COL19A1: variants seen among roughly 807,000 people sequenced by gnomAD.
COL19A1 encodes collagen type XIX alpha 1 chain.
A neutral mutation model predicts 190.2 loss-of-function variants in COL19A1; 159 were observed. The ratio of observed to expected loss-of-function variants is 0.84; its 90% confidence interval spans 0.73 to 0.95. The LOEUF is 0.95. Ranked by LOEUF, COL19A1 falls within the 40% of genes least tolerant of loss-of-function variation. The pLI is 0.00. For synonymous variants in COL19A1, 509 were observed against 458.9 expected (o/e 1.11, Z -1.39); for missense variants, 1,418 against 1,431.9 (o/e 0.99, Z 0.16).
intron 48 of COL19A1, among the ~76,000 whole-genome samples, chr6:70,194,836 C>T (rs1004254639): frequency 1.7e-4 from 26 of 152,094 alleles, no homozygotes; most frequent in African/African-American, 6.0e-4. Flanking sequence ...AAGCCCACAC[C>T]TCCAGCTGTG....
intron 2 of COL19A1, among the ~76,000 whole-genome samples, chr6:69,897,759 G>A (rs1174863399): frequency 1.3e-5 from 2 of 152,110 alleles, no homozygotes; most frequent in East Asian, 1.9e-4. Context: ...TTTAGAGCCT[G>A]CAATTGTATT....
At chr6:69,970,569 T>C (rs1176610418) in intron 11 of COL19A1, among the ~76,000 whole-genome samples, 4 of 152,236 alleles carry the variant, frequency 2.6e-5, no homozygotes, top group Admixed American at 6.5e-5. Flanking sequence ...TTCTTGGTGA[T>C]TATGCCTATT....
intron 2 of COL19A1, among the ~76,000 whole-genome samples, chr6:69,892,107 G>A (rs1055131733): frequency 6.6e-6 from 1 of 152,156 alleles, no homozygotes; most frequent in African/African-American, 2.4e-5. Context: ...CTAAGATTTG[G>A]GTGCATGGTA....
At chr6:70,046,546 G>A (rs1779928842) in intron 14 of COL19A1, among the ~76,000 whole-genome samples, 1 of 151,848 alleles carries the variant, frequency 6.6e-6, no homozygotes, top group Non-Finnish European at 1.5e-5. Context: ...CAGAGTGCTG[G>A]CCAATTAGAA....
intron 14 of COL19A1, among the ~76,000 whole-genome samples, chr6:70,042,333 T>C (rs1304012200): frequency 6.6e-6 from 1 of 152,188 alleles, no homozygotes; most frequent in Admixed American, 6.5e-5. Context: ...ATAAAGCAAG[T>C]CACCAATTTT....
At chr6:69,867,470 T>G (rs1392080524) in intron 1 of COL19A1, 1 of 150,862 alleles carries the variant, frequency 6.6e-6, no homozygotes, top group African/African-American at 2.5e-5. Context: ...GCTGTCAGAG[T>G]CCCGAGGCCA....
chr6:70,148,915 A>G (rs1786851881), intron 27 of COL19A1, among the ~76,000 whole-genome samples: 1 of 133,918 alleles, frequency 7.5e-6, no homozygotes. Flanking sequence ...TGACAGAGTG[A>G]GACTCCATCT....
chr6:70,120,541 C>T (rs1352767970), intron 16 of COL19A1, among the ~76,000 whole-genome samples: 2 of 152,136 alleles, frequency 1.3e-5, no homozygotes, highest in Admixed American at 6.5e-5. Flanking sequence ...ACCTAGAATT[C>T]TTTACACAAT....
intron 15 of COL19A1, among the ~76,000 whole-genome samples, chr6:70,079,396 C>T (rs1458410121): frequency 3.9e-5 from 6 of 152,098 alleles, no homozygotes; most frequent in African/African-American, 1.4e-4. Context: ...GTTAGCAAGT[C>T]ATCAGTTTAA....
chr6:69,938,983 A>G (rs570217039), intron 9 of COL19A1, among the ~76,000 whole-genome samples: 2 of 152,168 alleles, frequency 1.3e-5, no homozygotes, highest in Middle Eastern at 3.4e-3. Flanking sequence ...AATTATTTGT[A>G]TAATCTATTG....
chr6:69,897,458 TACACACACAC>T (rs71760023), intron 2 of COL19A1, among the ~76,000 whole-genome samples: 5 of 145,232 alleles, frequency 3.4e-5, no homozygotes, highest in South Asian at 4.3e-4. Context: ...TTGTCAGTTT[TACACACACAC>T]ACACACACAC....
chr6:70,036,531 C>T (rs1779360076), intron 14 of COL19A1, among the ~76,000 whole-genome samples: 1 of 152,132 alleles, frequency 6.6e-6, no homozygotes, highest in East Asian at 1.9e-4. Context: ...ATGTATTAAG[C>T]ACTTTATAAT....
intron 18 of COL19A1, among the ~76,000 whole-genome samples, chr6:70,134,614 T>C (rs1167528619): frequency 6.6e-6 from 1 of 152,206 alleles, no homozygotes; most frequent in Admixed American, 6.5e-5. Context: ...ATATTTGTAC[T>C]GACAGGTCTG....
Position 70,188,096 on chromosome 6 carries a change from G to A in COL19A1, c.2878G>A (p.Asp960Asn), listed in dbSNP as rs775724294. 27 of 1,613,372 alleles carry A rather than the reference G, an allele frequency of 1.7e-5. No homozygotes were observed. In the African/African-American group the frequency reaches 3.6e-4, roughly 22 times the overall value. ...GERGDQGIPGDRGSQGERGKP... is the reference protein window; with the variant it reads ...GERGDQGIPGNRGSQGERGKP... ...ACAGGGTGATCAGGGGATTCCAGGA[G>A]ACAGAGGCTCACAAGGTGAACGGGG... The change falls in exon 47 of 51, where the codon GAC becomes AAC. Residue 960 changes from aspartate to asparagine, a missense_variant. By Grantham distance (23) the Asp-to-Asn change is conservative. Coordinates refer to ENST00000620364, the MANE Select transcript of COL19A1 (RefSeq NM_001858.6).
At chr6:70,043,438 C>T (rs935407356) in intron 14 of COL19A1, among the ~76,000 whole-genome samples, 3 of 152,008 alleles carry the variant, frequency 2.0e-5, no homozygotes, top group Non-Finnish European at 2.9e-5. Context: ...GTGATCTGCC[C>T]GTCTCGGCCT....
Position 70,016,868 on chromosome 6 carries a change from G to A in COL19A1, c.1027-6759G>A, listed in dbSNP as rs143860215. 3.8e-3 allele frequency among the ~76,000 whole-genome samples: 573 copies of A among 152,158 alleles called. 2 individuals carry two copies. Among genetic ancestry groups the A allele is most frequent in the African/African-American group, 0.013 (539 of 41,502 alleles). On this transcript the variant is annotated intron_variant, in intron 11 of 50. Coordinates refer to ENST00000620364, the MANE Select transcript of COL19A1 (RefSeq NM_001858.6). The stretch of plus-strand genomic sequence containing the variant: ...ATAATCAAAAAGATTGACAAAATTG[G>A]TGAGAATATGTGGAAATCAGGAACC...
intron 14 of COL19A1, among the ~76,000 whole-genome samples, chr6:70,063,979 T>C (rs1781011884): frequency 6.6e-6 from 1 of 152,158 alleles, no homozygotes; most frequent in Non-Finnish European, 1.5e-5. Context: ...ATTGAGGCAA[T>C]AATTAATAGC....
chr6:70,207,363 G>GGT lies in COL19A1; in HGVS notation c.*89_*90insGT. The GGT allele has an allele frequency of 2.2e-5, 9 of 409,308 alleles. No homozygotes were observed. Among genetic ancestry groups the GGT allele is most frequent in the Non-Finnish European group, 2.6e-5 (8 of 305,080 alleles). The allele number at this position is 409,308 out of a possible 1,614,324, so 25.4% of individuals were successfully genotyped here. Reference sequence around the variant, plus strand: ...GTCAAACCCTCATCATCTGTGGGTTGCTTTTTTTTTTTTTTTTTTTTTTTG... The same window carrying GGT: ...GTCAAACCCTCATCATCTGTGGGTTGGTCTTTTTTTTTTTTTTTTTTTTTTTG... On this transcript the variant is annotated 3_prime_UTR_variant, in exon 51 of 51. Transcript: ENST00000620364.
At chr6:69,948,441 A>T (rs1250110287) in intron 9 of COL19A1, among the ~76,000 whole-genome samples, 1 of 151,804 alleles carries the variant, frequency 6.6e-6, no homozygotes, top group Admixed American at 6.6e-5. Flanking sequence ...CCAGGTGCAA[A>T]CTGCTACTTA....
Sources: gnomAD v4.1 joint callset for allele counts (sites outside exome capture counted in the v4.1 genomes callset) on GRCh38, gnomAD v4.1.1 for gene constraint, MANE v1.5 for transcripts, NCBI Gene and HGNC (gene_info 2026-07-23, HGNC 2026-07-21) for gene names.